ATP1A1: variants seen among roughly 807,000 people sequenced by gnomAD.
The protein encoded by ATP1A1 is ATPase Na+/K+ transporting subunit alpha 1, also known as sodium/potassium-transporting ATPase subunit alpha-1.
In ATP1A1, 14 loss-of-function variants were observed where a neutral mutation model predicts 114.8. The ratio of observed to expected loss-of-function variants is 0.12; its 90% CI spans 0.08 to 0.19. The LOEUF is 0.19. Ranked by LOEUF, ATP1A1 falls within the 10% of genes least tolerant of loss-of-function variation. The probability of loss-of-function intolerance (pLI) is 1.00; values close to 1 mark genes in which losing one functional copy is unlikely to be tolerated. For synonymous variants in ATP1A1, 471 were observed against 466.3 expected (o/e 1.01, Z -0.13); for missense variants, 524 against 1,290.7 (o/e 0.41, Z 9.10).
In ATP1A1 at chr1:116,388,510, A is replaced by G; in HGVS notation, c.502-128A>G. 2.2e-6 allele frequency: 3 copies of G among 1,338,900 alleles called. No individual in the cohort carries two copies. Among genetic ancestry groups the G allele is most frequent in the Non-Finnish European group, 3.0e-6 (3 of 985,578 alleles). 82.9% of individuals were successfully genotyped at this position (1,338,900 alleles called of 1,614,324 possible). A position where few individuals can be genotyped will look rare whatever the true frequency, so the allele number is the denominator to read the frequency against. On this transcript the variant is annotated intron_variant, in intron 5 of 22. Coordinates refer to ENST00000295598, the MANE Select transcript of ATP1A1 (RefSeq NM_000701.8). This position sits in a 1 kb window ranked among gnomAD's most constrained non-coding sequence, Gnocchi z 5.6. ...GCAAGCTTTTGTAACTTGTGTAAATAAAAAAGTGAATAATATCTTTGTTTT... is the reference window on the plus strand; with the variant it reads ...GCAAGCTTTTGTAACTTGTGTAAATGAAAAAGTGAATAATATCTTTGTTTT...
chr1:116,403,679 G>A (rs765796192), intron 21 of ATP1A1, among the ~76,000 whole-genome samples: 8 of 152,184 alleles, frequency 5.3e-5, no homozygotes, highest in East Asian at 1.9e-4. Context: ...TTTCCTCTGC[G>A]TCTCTAGGCC....
chr1:116,401,365 T>G lies in ATP1A1; in HGVS notation c.2849+105T>G. 12 of 1,567,022 alleles carry G rather than the reference T, an allele frequency of 7.7e-6. No homozygotes were observed. The South Asian group carries it at 1.4e-4, about 18-fold the overall frequency. ...CATATGACACATATAGCCAGGTTTC[T>G]GGAATCTCTAGTTTATAGAGCAAAT... On this transcript the variant is annotated intron_variant, in intron 20 of 22. Transcript: ENST00000295598. The surrounding 1 kb of genome is among the most constrained non-coding windows in gnomAD (Gnocchi z 4.7).
chr1:116,374,031 G>A (rs1357570273), intron 1 of ATP1A1: 2 of 1,407,204 alleles, frequency 1.4e-6, no homozygotes, highest in Non-Finnish European at 1.8e-6. Flanking sequence ...GCCTCCTCCC[G>A]GGCCTCCGTT....
In ATP1A1 at chr1:116,390,329, T is replaced by C; in HGVS notation, c.1140T>C (p.Thr380=). 6.2e-7 allele frequency: 1 copy of C among 1,614,128 alleles called. No individual in the cohort carries two copies. Among genetic ancestry groups the C allele is most frequent in the Non-Finnish European group, 8.5e-7 (1 of 1,180,022 alleles). ...CCATCTGCTCTGATAAAACTGGAAC[T>C]CTGACTCAGAACCGGATGACAGTGG... ...TSTICSDKTG[T]LTQNRMTVAH... The change falls in exon 9 of 23, where the codon ACT becomes ACC. Residue 380 remains threonine (T), a synonymous_variant. Coordinates refer to ENST00000295598, the MANE Select transcript of ATP1A1 (RefSeq NM_000701.8).
chr1:116,398,991 C>T lies in ATP1A1; in HGVS notation c.2355C>T (p.Pro785=), dbSNP rs144039896. The change falls in exon 17 of 23, where the codon CCC becomes CCT. Residue 785 remains proline, a synonymous_variant. Transcript: ENST00000295598. This position sits in a 1 kb window ranked among gnomAD's most constrained non-coding sequence, Gnocchi z 6.1. ...CTTATACCTTAACCAGTAACATTCC[C>T]GAGATCACCCCGTTCCTGATATTTA... is the stretch of plus-strand genomic sequence containing the variant. ...SIAYTLTSNI[P]EITPFLIFII... is the part of the protein sequence containing the mutation. 5.6e-4 allele frequency: 902 copies of T among 1,614,156 alleles called. 2 individuals are homozygous for T. The highest frequency in any genetic ancestry group is 6.6e-4 in the Non-Finnish European group (780 of 1,180,020).
Position 116,400,866 on chromosome 1 carries a change from A to T in ATP1A1, c.2578A>T (p.Ile860Phe). 1 of 1,614,190 alleles carries T rather than the reference A, an allele frequency of 6.2e-7. No homozygotes were observed. Among genetic ancestry groups the T allele is most frequent in the Non-Finnish European group, 8.5e-7 (1 of 1,180,036 alleles). Residue 860 changes from isoleucine to phenylalanine, a missense_variant, in exon 19 of 23, where the codon ATC becomes TTC. By Grantham distance (21) the Ile-to-Phe change is conservative. This residue lies in a region of ATP1A1 where 84 missense variants were observed against 209.3 expected (regional missense o/e 0.40). Coordinates refer to ENST00000295598, the MANE Select transcript of ATP1A1 (RefSeq NM_000701.8). ...ISMAYGQIGMIQALGGFFTYF... is the reference protein window; with the variant it reads ...ISMAYGQIGMFQALGGFFTYF... ...GGGTTGTTTTCCCAACTTAGGAATG[A>T]TCCAGGCCCTGGGAGGCTTCTTTAC...
intron 1 of ATP1A1, chr1:116,373,981 A>T: frequency 2.2e-6 from 3 of 1,374,524 alleles, no homozygotes; most frequent in Non-Finnish European, 2.8e-6. Context: ...GCCCTGAGGA[A>T]AGGCGCGCTC....
In ATP1A1 at chr1:116,389,767, C is replaced by A; in HGVS notation, c.1023+60C>A. 7 of 1,599,428 alleles carry A rather than the reference C, an allele frequency of 4.4e-6. No homozygotes were observed. Among genetic ancestry groups the A allele is most frequent in the Non-Finnish European group, 6.0e-6 (7 of 1,170,372 alleles). On this transcript the variant is annotated intron_variant, in intron 8 of 22. Coordinates refer to ENST00000295598, the MANE Select transcript of ATP1A1 (RefSeq NM_000701.8). The surrounding 1 kb of genome is among the most constrained non-coding windows in gnomAD (Gnocchi z 6.9). ...CAGCTTGCACGAATGTTACACTCTTCCGCTATCCTATTCTAAGGTATTGCC... is the reference window on the plus strand; with the variant it reads ...CAGCTTGCACGAATGTTACACTCTTACGCTATCCTATTCTAAGGTATTGCC...
chr1:116,394,696 C>G (rs1242466438), intron 12 of ATP1A1, among the ~76,000 whole-genome samples: 1 of 152,088 alleles, frequency 6.6e-6, no homozygotes, highest in Admixed American at 6.6e-5. Flanking sequence ...GTTAAATGAA[C>G]AAGAGAGCAG....
At position 116,404,375 on chromosome 1, in the gene ATP1A1, C is replaced by T. The variant is rs1653794857; in HGVS notation, c.3044-41C>T. 6.2e-7 allele frequency: 1 copy of T among 1,613,162 alleles called. No individual in the cohort carries two copies. The highest frequency in any genetic ancestry group is 8.5e-7 in the Non-Finnish European group (1 of 1,179,316). The stretch of plus-strand genomic sequence containing the variant: ...CTCTGTAATGCTGGAGCGAGGAAGA[C>T]TCACTGTAGTGTGTCTTGTCTGTCT... On this transcript the variant is annotated intron_variant, in intron 22 of 22. Coordinates refer to ENST00000295598, the MANE Select transcript of ATP1A1 (RefSeq NM_000701.8). This position sits in a 1 kb window ranked among gnomAD's most constrained non-coding sequence, Gnocchi z 4.8.
At position 116,401,371 on chromosome 1, in the gene ATP1A1, C is replaced by G; in HGVS notation, c.2849+111C>G. ...ACACATATAGCCAGGTTTCTGGAATCTCTAGTTTATAGAGCAAATTTAGGA... is the reference window on the plus strand; with the variant it reads ...ACACATATAGCCAGGTTTCTGGAATGTCTAGTTTATAGAGCAAATTTAGGA... On this transcript the variant is annotated intron_variant, in intron 20 of 22. Coordinates refer to ENST00000295598, the MANE Select transcript of ATP1A1 (RefSeq NM_000701.8). The surrounding 1 kb of genome is among the most constrained non-coding windows in gnomAD (Gnocchi z 4.7). 2.6e-6 allele frequency: 4 copies of G among 1,556,642 alleles called. No individual in the cohort carries two copies. In the South Asian group the frequency reaches 3.6e-5, roughly 14 times the overall value.
chr1:116,378,767 T>C (rs908744702), intron 1 of ATP1A1, among the ~76,000 whole-genome samples: 2 of 152,184 alleles, frequency 1.3e-5, no homozygotes, highest in African/African-American at 4.8e-5. Flanking sequence ...TGAGGAGTGA[T>C]CAGGACTTAC....
rs1652583454 is a variant in ATP1A1, at chr1:116,392,902, G to C, written c.1381G>C (p.Glu461Gln). 1 of 1,614,026 alleles carries C rather than the reference G, an allele frequency of 6.2e-7. No homozygotes were observed. Among genetic ancestry groups the C allele is most frequent in the Non-Finnish European group, 8.5e-7 (1 of 1,180,024 alleles). The change falls in exon 11 of 23, where the codon GAG becomes CAG. Residue 461 changes from glutamate to glutamine, a missense_variant. Coordinates refer to ENST00000295598, the MANE Select transcript of ATP1A1 (RefSeq NM_000701.8). ...TGAGTCAGCACTCTTAAAGTGCATA[G>C]AGCTGTGCTGTGGTTCCGTGAAGGA... ...ASESALLKCI[E>Q]LCCGSVKEMR...
At chr1:116,403,854 A>T in intron 21 of ATP1A1, 30 bp from the exon 22 acceptor site, 1 of 1,555,740 alleles carries the variant, frequency 6.4e-7, no homozygotes, top group Non-Finnish European at 8.8e-7. Context: ...GTTCGTGTGC[A>T]TATAAATTGG....
intron 10 of ATP1A1, among the ~76,000 whole-genome samples, chr1:116,391,299 G>C (rs537515374): frequency 6.6e-6 from 1 of 152,320 alleles, no homozygotes; most frequent in East Asian, 1.9e-4. Flanking sequence ...GGATACAGTA[G>C]ATTCCAGTAA....
rs1652381292 is a variant in ATP1A1, at chr1:116,390,543, T to G, written c.1222+132T>G. 19 of 1,048,122 alleles carry G rather than the reference T, an allele frequency of 1.8e-5. 1 individual carries two copies. Among genetic ancestry groups the G allele is most frequent in the Middle Eastern group, 5.6e-4 (2 of 3,562 alleles). The allele number at this position is 1,048,122 out of a possible 1,614,324, so 64.9% of individuals were successfully genotyped here. On this transcript the variant is annotated intron_variant, in intron 9 of 22. Coordinates refer to ENST00000295598, the MANE Select transcript of ATP1A1 (RefSeq NM_000701.8). ...GCTTTTTCTTTCTTTTTTGTTTTTTTTTTTTTTATCATTTAGTGAAGAGTC... is the reference window on the plus strand; with the variant it reads ...GCTTTTTCTTTCTTTTTTGTTTTTTGTTTTTTTATCATTTAGTGAAGAGTC...
chr1:116,391,985 G>C (rs1260686590), intron 10 of ATP1A1, among the ~76,000 whole-genome samples: 1 of 152,120 alleles, frequency 6.6e-6, no homozygotes, highest in Non-Finnish European at 1.5e-5. Context: ...AAAATAAGTG[G>C]CTTTTATTTA....
chr1:116,380,671 C>T (rs1367071947), intron 1 of ATP1A1, among the ~76,000 whole-genome samples: 4 of 152,124 alleles, frequency 2.6e-5, no homozygotes, highest in African/African-American at 7.2e-5. Context: ...TGTGAGGATT[C>T]GGTATATATT....
Position 116,398,534 on chromosome 1 carries a change from T to A in ATP1A1, c.2125-87T>A, listed in dbSNP as rs976434698. 6.8e-7 allele frequency: 1 copy of A among 1,478,724 alleles called. No homozygotes were observed. The highest frequency in any genetic ancestry group is 1.4e-5 in the African/African-American group (1 of 71,630). The allele number at this position is 1,478,724 out of a possible 1,614,324, so 91.6% of individuals were successfully genotyped here. On this transcript the variant is annotated intron_variant, in intron 15 of 22. Coordinates refer to ENST00000295598, the MANE Select transcript of ATP1A1 (RefSeq NM_000701.8). This position sits in a 1 kb window ranked among gnomAD's most constrained non-coding sequence, Gnocchi z 6.1. Reference sequence around the variant, plus strand: ...AATAGGAAAGGAGCAGTGTCTGTAATGAGTGCTCAGTGGGGGCATGCATCG... The same window carrying A: ...AATAGGAAAGGAGCAGTGTCTGTAAAGAGTGCTCAGTGGGGGCATGCATCG...
Sources: gnomAD v4.1 joint callset for allele counts (sites outside exome capture counted in the v4.1 genomes callset) on GRCh38, gnomAD v4.1.1 for gene constraint, gnomAD v4.1.1 regional missense constraint, Gnocchi (gnomAD v3.1) non-coding constraint, MANE v1.5 for transcripts, NCBI Gene and HGNC (gene_info 2026-07-23, HGNC 2026-07-21) for gene names.